LRP1B: variants seen among roughly 807,000 people sequenced by gnomAD.
LRP1B encodes LDL receptor related protein 1B.
In LRP1B, 217 loss-of-function variants were observed where a neutral mutation model predicts 556.6. The ratio of observed to expected loss-of-function variants is 0.39; its 90% confidence interval spans 0.35 to 0.44. The LOEUF (loss-of-function observed/expected upper bound fraction) is 0.44, where lower values mean the gene tolerates loss of function less well. Ranked by LOEUF, LRP1B falls within the 20% of genes least tolerant of loss-of-function variation. The probability of loss-of-function intolerance (pLI) is 1.00; values close to 1 mark genes in which losing one functional copy is unlikely to be tolerated. For missense variants in LRP1B, 5,053 were observed against 5,620.8 expected, an observed-to-expected ratio of 0.90 and a Z score of 3.23; for synonymous variants, 2,047 against 1,865.8, an observed-to-expected ratio of 1.10 and a Z score of -2.50.
chr2:141,265,228 T>C (rs1271519914), intron 3 of LRP1B, among the ~76,000 whole-genome samples: 2 of 152,028 alleles, frequency 1.3e-5, no homozygotes, highest in East Asian at 3.9e-4. Flanking sequence ...GCTGCAGAGG[T>C]GGAAGGACAC....
intron 11 of LRP1B, 125 bp from the exon 12 acceptor site, chr2:141,020,227 CT>C (rs1251362629): frequency 2.6e-5 from 14 of 536,962 alleles, no homozygotes; most frequent in Non-Finnish European, 4.2e-5. Flanking sequence ...TCCATGAAAT[CT>C]TTATGGTGTA....
At chr2:141,320,176 G>A (rs767911334) in intron 3 of LRP1B, among the ~76,000 whole-genome samples, 34 of 152,000 alleles carry the variant, frequency 2.2e-4, no homozygotes, top group Non-Finnish European at 3.5e-4. Context: ...ATTATCCAAA[G>A]AAGTATAATG....
chr2:141,139,196 A>C (rs1396686620), intron 7 of LRP1B, among the ~76,000 whole-genome samples: 1 of 151,864 alleles, frequency 6.6e-6, no homozygotes, highest in East Asian at 1.9e-4. Context: ...AATTAACTCG[A>C]TATGAATCCT....
intron 57 of LRP1B, 130 bp from the exon 58 acceptor site, chr2:140,487,869 C>T: frequency 1.9e-6 from 1 of 513,210 alleles, no homozygotes; most frequent in Non-Finnish European, 3.3e-6. Flanking sequence ...AAAGTATTTG[C>T]TACCAGTTCT....
chr2:141,040,549 T>C (rs796573011), intron 11 of LRP1B, among the ~76,000 whole-genome samples: 33 of 152,166 alleles, frequency 2.2e-4, no homozygotes, highest in African/African-American at 7.5e-4. Flanking sequence ...GTGCCTGTCC[T>C]AGGGTTATTT....
chr2:141,360,290 C>T (rs965929149), intron 3 of LRP1B, among the ~76,000 whole-genome samples: 1 of 152,118 alleles, frequency 6.6e-6, no homozygotes, highest in South Asian at 2.1e-4. Context: ...GACAAATATC[C>T]AAGTCAGGAC....
chr2:140,431,518 T>A (rs898965442), intron 66 of LRP1B, among the ~76,000 whole-genome samples: 94 of 152,260 alleles, frequency 6.2e-4, no homozygotes, highest in African/African-American at 2.1e-3. Context: ...CGATTTACAC[T>A]GTTTCTCCAA....
At chr2:141,567,249 C>G (rs574976364) in intron 2 of LRP1B, among the ~76,000 whole-genome samples, 6 of 151,510 alleles carry the variant, frequency 4.0e-5, no homozygotes, top group Admixed American at 2.0e-4. Context: ...TCACAAATTG[C>G]GATCATTTTT....
Position 140,706,633 on chromosome 2 carries a change from A to G in LRP1B, c.6024-4080T>C, listed in dbSNP as rs535272747. On this transcript the variant is annotated intron_variant, in intron 37 of 90. Coordinates refer to ENST00000389484, the MANE Select transcript of LRP1B (RefSeq NM_018557.3). ...AGCAGGAAGACAGTGCAATGAGCACATATCATGAGTTAATTTCCAACTGAT... is the reference window on the plus strand; with the variant it reads ...AGCAGGAAGACAGTGCAATGAGCACGTATCATGAGTTAATTTCCAACTGAT... 3.3e-5 allele frequency among the ~76,000 whole-genome samples: 5 copies of G among 152,252 alleles called. No homozygotes were observed. In the East Asian group the frequency reaches 7.7e-4, roughly 24 times the overall value.
chr2:141,679,936 G>A (rs1329330467), intron 2 of LRP1B, among the ~76,000 whole-genome samples: 1 of 151,438 alleles, frequency 6.6e-6, no homozygotes, highest in South Asian at 2.1e-4. Context: ...TATTAGGGTG[G>A]AAAGTTTATA....
chr2:140,569,217 A>G (rs1208179156), intron 43 of LRP1B, among the ~76,000 whole-genome samples: 1 of 152,020 alleles, frequency 6.6e-6, no homozygotes, highest in African/African-American at 2.4e-5. Flanking sequence ...TATCCTATTA[A>G]TAATAACCTC....
intron 5 of LRP1B, among the ~76,000 whole-genome samples, chr2:141,238,950 T>C (rs951277053): frequency 3.9e-5 from 6 of 152,084 alleles, no homozygotes; most frequent in African/African-American, 1.2e-4. Flanking sequence ...TCTGTGAGTC[T>C]AGAGCCGTCA....
intron 7 of LRP1B, among the ~76,000 whole-genome samples, chr2:141,164,914 T>C (rs1680186461): frequency 6.6e-6 from 1 of 152,074 alleles, no homozygotes; most frequent in South Asian, 2.1e-4. Context: ...ACCCTTATTT[T>C]TTAATTTATG....
At chr2:140,734,775 C>A (rs888740072) in intron 35 of LRP1B, among the ~76,000 whole-genome samples, 1 of 143,958 alleles carries the variant, frequency 6.9e-6, no homozygotes, top group African/African-American at 2.6e-5. Context: ...CCCTTTCCTG[C>A]AACATGTGGA....
intron 49 of LRP1B, among the ~76,000 whole-genome samples, chr2:140,519,208 C>T (rs1007171077): frequency 4.6e-5 from 7 of 152,082 alleles, no homozygotes; most frequent in Non-Finnish European, 1.0e-4. Flanking sequence ...TGACTTCAAA[C>T]TATACTACAA....
intron 3 of LRP1B, among the ~76,000 whole-genome samples, chr2:141,472,722 T>G (rs1682523590): frequency 6.6e-6 from 1 of 152,178 alleles, no homozygotes; most frequent in African/African-American, 2.4e-5. Flanking sequence ...ATACAGAATC[T>G]GAAATGATGT....
intron 11 of LRP1B, among the ~76,000 whole-genome samples, chr2:141,043,355 T>C (rs567036188): frequency 6.6e-6 from 1 of 152,056 alleles, no homozygotes; most frequent in Non-Finnish European, 1.5e-5. Flanking sequence ...GACTTACGAC[T>C]TGAAGTAGAT....
At chr2:140,324,773 T>C (rs1465202319) in intron 80 of LRP1B, among the ~76,000 whole-genome samples, 3 of 151,952 alleles carry the variant, frequency 2.0e-5, no homozygotes, top group African/African-American at 7.2e-5. Flanking sequence ...AGTGTCTTTA[T>C]ATTCATATAT....
chr2:141,521,136 G>A (rs1233157179), intron 2 of LRP1B, among the ~76,000 whole-genome samples: 4 of 151,928 alleles, frequency 2.6e-5, no homozygotes, highest in Non-Finnish European at 4.4e-5. Flanking sequence ...AACAAGTCAG[G>A]GTTGGGGATA....
Sources: allele counts gnomAD v4.1 joint callset (sites outside exome capture counted in the v4.1 genomes callset), GRCh38; gene constraint gnomAD v4.1.1; transcripts MANE v1.5; gene names NCBI Gene and HGNC (gene_info 2026-07-23, HGNC 2026-07-21).